The following ARHGEF37 variants were observed in gnomAD, a reference collection of about 807,000 sequenced individuals.
The protein encoded by ARHGEF37 is Rho guanine nucleotide exchange factor (GEF) 37.
In ARHGEF37, 55 loss-of-function variants were observed where a neutral mutation model predicts 71.1. The observed-to-expected ratio is 0.77, with a 90% confidence interval of 0.62 to 0.97. The LOEUF (loss-of-function observed/expected upper bound fraction) is 0.97, where lower values mean the gene tolerates loss of function less well. Ranked by LOEUF, ARHGEF37 falls within the 50% of genes least tolerant of loss-of-function variation. The probability of loss-of-function intolerance (pLI) is 0.00; values close to 1 mark genes in which losing one functional copy is unlikely to be tolerated. For missense variants in ARHGEF37, 765 were observed against 836.8 expected (o/e 0.91, Z 1.06); for synonymous variants, 327 against 350.6 (o/e 0.93, Z 0.75).
In ARHGEF37 at chr5:149,633,647, A is replaced by G. The variant is rs1466556673; in HGVS notation, c.*1456A>G. On this transcript the variant is annotated 3_prime_UTR_variant, in exon 13 of 13. Transcript: ENST00000333677. The stretch of plus-strand genomic sequence containing the variant: ...TGACCAAGTGTGATCTTAACAACTG[A>G]CAAAGTTTGTAACCAACCCAAGTTA... 1 of 152,268 alleles carries G rather than the reference A, an allele frequency of 6.6e-6. No homozygotes were observed. Among genetic ancestry groups the G allele is most frequent in the Non-Finnish European group, 1.5e-5 (1 of 68,044 alleles). 9.4% of individuals were successfully genotyped at this position (152,268 alleles called of 1,614,324 possible). A position where few individuals can be genotyped will look rare whatever the true frequency, so the allele number is the denominator to read the frequency against.
In ARHGEF37 at chr5:149,618,208, C is replaced by G. The variant is rs1302075062; in HGVS notation, c.691C>G (p.Leu231Val). 6.2e-7 allele frequency: 1 copy of G among 1,614,244 alleles called. No individual in the cohort carries two copies. The highest frequency in any genetic ancestry group is 1.3e-5 in the African/African-American group (1 of 75,060). Residue 231 changes from leucine to valine, a missense_variant, in exon 6 of 13, where the codon CTC becomes GTC. Physicochemically the swap from Leu to Val is conservative, Grantham distance 32 (BLOSUM62 1). This residue lies in a region of ARHGEF37 where 167 missense variants were observed against 173.3 expected (regional missense o/e 0.96). Transcript: ENST00000333677. ...SKYTKVEQLTLRERLARINTH... is the reference protein window; with the variant it reads ...SKYTKVEQLTVRERLARINTH... ...GTACACCAAGGTAGAGCAGCTGACC[C>G]TCCGGGAGCGGCTGGCCCGCATCAA...
rs1752051433 is a variant in ARHGEF37 at position 149,583,828 on chromosome 5, A to C, written c.-12+2204A>C. On this transcript the variant is annotated intron_variant, in intron 1 of 12. Transcript: ENST00000333677. The stretch of plus-strand genomic sequence containing the variant: ...CCAGGCTGAGTGCAGTGATGCAGTC[A>C]CAACTCACTGCAGCCTCAACCGCCC... Among the ~76,000 whole-genome samples, 5 of 152,180 alleles carry C rather than the reference A, an allele frequency of 3.3e-5. No individual in the cohort carries two copies. In the South Asian group the frequency reaches 1.0e-3, roughly 32 times the overall value.
Position 149,561,285 on chromosome 5 carries a change from A to AG in ARHGEF37, c.-12+9162_-12+9163insG, listed in dbSNP as rs1277353125. Among the ~76,000 whole-genome samples the AG allele has an allele frequency of 2.6e-5, 4 of 151,994 alleles. No homozygotes were observed. The East Asian group carries it at 7.7e-4, about 29-fold the overall frequency. On this transcript the variant is annotated intron_variant, in intron 1 of 2. Coordinates refer to the ARHGEF37 transcript ENST00000505810. ...AAGACTCTGTCTCAAAAAAAAAAAA[A>AG]AAAAAAAGGCAATAATTATACCTTA...
chr5:149,600,049 G>A (rs1228561760), intron 2 of ARHGEF37, among the ~76,000 whole-genome samples: 2 of 152,156 alleles, frequency 1.3e-5, no homozygotes, highest in Non-Finnish European at 2.9e-5. Flanking sequence ...AGATGATATA[G>A]CCTACTACAC....
chr5:149,587,894 C>CCTTTTTTTTTTT (rs1561790080), intron 1 of ARHGEF37, among the ~76,000 whole-genome samples: 2 of 129,164 alleles, frequency 1.5e-5, no homozygotes, highest in Non-Finnish European at 1.6e-5. Flanking sequence ...TCCCTTTAGT[C>CCTTTTTTTTTTT]TTTTTTTTTT....
chr5:149,577,313 G>C (rs1043434524), upstream of ARHGEF37, among the ~76,000 whole-genome samples: 3 of 152,060 alleles, frequency 2.0e-5, no homozygotes, highest in African/African-American at 7.2e-5. Context: ...AAGAGTGGTA[G>C]ATTTCACAAA....
chr5:149,574,379 AAC>A, intron 1 of ARHGEF37, among the ~76,000 whole-genome samples: 1 of 152,368 alleles, frequency 6.6e-6, no homozygotes, highest in South Asian at 2.1e-4. Context: ...ACCAGACTGA[AAC>A]ACAGAAGCTG....
chr5:149,600,753 C>T (rs1763730497), intron 2 of ARHGEF37, among the ~76,000 whole-genome samples: 1 of 151,860 alleles, frequency 6.6e-6, no homozygotes, highest in Non-Finnish European at 1.5e-5. Context: ...CAATTGTCTA[C>T]CTCAGCCTCC....
rs1449168577 is a variant in ARHGEF37 at position 149,566,551 on chromosome 5, C to CA, written c.-12+14434dup. On this transcript the variant is annotated intron_variant, in intron 1 of 2. Transcript: ENST00000505810. Reference sequence around the variant, plus strand: ...AACCAAACAACAACAACAACAACAACAAAAAACCTTATGTTGGGGGTATCG... The same window carrying CA: ...AACCAAACAACAACAACAACAACAACAAAAAAACCTTATGTTGGGGGTATCG... Among the ~76,000 whole-genome samples, 9 of 145,620 alleles carry CA rather than the reference C, an allele frequency of 6.2e-5. No individual in the cohort carries two copies. The East Asian group carries it at 1.9e-3, about 30-fold the overall frequency.
rs1414264080 is a variant in ARHGEF37, at chr5:149,634,235, T to C, written c.*2044T>C. ...CAGCCAGGGTTAGGGACCTCTACCC[T>C]AGACACAAAGTATTGGACAGATAGA... On this transcript the variant is annotated 3_prime_UTR_variant, in exon 13 of 13. Coordinates refer to ENST00000333677, the MANE Select transcript of ARHGEF37 (RefSeq NM_001001669.3). The C allele has an allele frequency of 6.6e-6, 1 of 152,188 alleles. No individual in the cohort carries two copies. Among genetic ancestry groups the C allele is most frequent in the Non-Finnish European group, 1.5e-5 (1 of 68,060 alleles). The allele number at this position is 152,188 out of a possible 1,614,324, so 9.4% of individuals were successfully genotyped here. A position where few individuals can be genotyped will look rare whatever the true frequency, so the allele number is the denominator to read the frequency against.
At chr5:149,552,791 A>G (rs1384895100) in intron 1 of ARHGEF37, among the ~76,000 whole-genome samples, 2 of 152,170 alleles carry the variant, frequency 1.3e-5, no homozygotes, top group Non-Finnish European at 2.9e-5. Context: ...AGATCACGCC[A>G]CTGTACTCCA....
chr5:149,559,841 C>A (rs892008149), intron 1 of ARHGEF37, among the ~76,000 whole-genome samples: 3 of 152,178 alleles, frequency 2.0e-5, no homozygotes, highest in East Asian at 1.9e-4. Flanking sequence ...TCTCTCCCCC[C>A]AATTTCAAAA....
intron 1 of ARHGEF37, among the ~76,000 whole-genome samples, chr5:149,558,743 A>G (rs1409350867): frequency 6.7e-6 from 1 of 149,910 alleles, no homozygotes. Context: ...GTGTGTATAT[A>G]TATTTTTATA....
intron 2 of ARHGEF37, among the ~76,000 whole-genome samples, chr5:149,600,772 T>G (rs1241113904): frequency 1.3e-5 from 2 of 151,944 alleles, no homozygotes; most frequent in Admixed American, 1.3e-4. Context: ...CCCGAGTAGC[T>G]GGGATTACAA....
rs981994756 is a variant in ARHGEF37, at chr5:149,618,748, T to C, written c.790-190T>C. ...AAGCCAATGAACTGGGGCTCATGCT[T>C]GTGTATCCGATTCCATGCTCTGAAT... On this transcript the variant is annotated intron_variant, in intron 6 of 12. Transcript: ENST00000333677. Among the ~76,000 whole-genome samples, 4 of 152,126 alleles carry C rather than the reference T, an allele frequency of 2.6e-5. No homozygotes were observed. In the East Asian group the frequency reaches 5.8e-4, roughly 22 times the overall value.
chr5:149,627,771 G>T (rs1052179288), intron 11 of ARHGEF37, among the ~76,000 whole-genome samples: 3 of 152,186 alleles, frequency 2.0e-5, no homozygotes, highest in Non-Finnish European at 2.9e-5. Context: ...GTGTAACTGG[G>T]CTGAAGGGAA....
chr5:149,627,122 G>T lies in ARHGEF37; in HGVS notation c.1511G>T (p.Arg504Met). Residue 504 changes from arginine (R) to methionine (M), a missense_variant, in exon 11 of 13, where the codon AGG (arginine) becomes ATG (methionine). By Grantham distance (91) the Arg-to-Met change is moderately conservative. Coordinates refer to ENST00000333677, the MANE Select transcript of ARHGEF37 (RefSeq NM_001001669.3). Reference sequence around the variant, plus strand: ...CGCCAGGTGCAGGCTCTCCTGAGCAGGTATGGCCCTGGGAAGCTGTACCAG... The same window carrying T: ...CGCCAGGTGCAGGCTCTCCTGAGCATGTATGGCCCTGGGAAGCTGTACCAG... ...SERQVQALLS[R>M]YGPGKLYQVT... 1 of 1,614,186 alleles carries T rather than the reference G, an allele frequency of 6.2e-7. No individual in the cohort carries two copies. Among genetic ancestry groups the T allele is most frequent in the Non-Finnish European group, 8.5e-7 (1 of 1,180,036 alleles).
intron 2 of ARHGEF37, among the ~76,000 whole-genome samples, chr5:149,598,263 C>CTCCTTCT (rs71587782): frequency 4.3e-4 from 29 of 67,754 alleles, no homozygotes; most frequent in East Asian, 6.8e-4. Flanking sequence ...CTTAAACTGA[C>CTCCTTCT]TCTTCTTCTT....
chr5:149,595,689 T>C (rs1309317423), intron 1 of ARHGEF37, among the ~76,000 whole-genome samples: 1 of 152,214 alleles, frequency 6.6e-6, no homozygotes, highest in Non-Finnish European at 1.5e-5. Flanking sequence ...GACATGGTTA[T>C]CTGTGGCCTA....
Sources: gnomAD v4.1 joint callset for allele counts (sites outside exome capture counted in the v4.1 genomes callset) on GRCh38, gnomAD v4.1.1 for gene constraint, gnomAD v4.1.1 regional missense constraint, MANE v1.5 for transcripts, NCBI Gene and HGNC (gene_info 2026-07-23, HGNC 2026-07-21) for gene names.